Variants in TP63 observed in about 807,000 individuals in gnomAD.
The protein encoded by TP63 is tumor protein p63.
A neutral mutation model predicts 82.8 loss-of-function variants in TP63; 17 were observed. The observed-to-expected ratio is 0.21, with a 90% CI of 0.14 to 0.31. TP63 has a LOEUF of 0.31. Among genes scored for constraint, TP63 ranks in the 10% least tolerant of loss-of-function variants. The pLI, the probability that TP63 is intolerant of heterozygous loss-of-function variation, is 1.00. For synonymous variants in TP63, 330 were observed against 321.7 expected (o/e 1.03, Z -0.28); for missense variants, 648 against 895.3 (o/e 0.72, Z 3.52).
chr3:189,828,054 G>C (rs905179571), intron 4 of TP63, among the ~76,000 whole-genome samples: 1 of 152,014 alleles, frequency 6.6e-6, no homozygotes, highest in African/African-American at 2.4e-5. Context: ...CAGCCTGGCT[G>C]ATATGATGAA....
intron 4 of TP63, among the ~76,000 whole-genome samples, chr3:189,862,681 G>C (rs960693091): frequency 3.3e-5 from 5 of 152,130 alleles, no homozygotes; most frequent in African/African-American, 1.2e-4. Context: ...TTTTCTTCAA[G>C]TTCTCAATAA....
chr3:189,606,054 A>G, the TP63 span, among the ~76,000 whole-genome samples: 72 of 152,334 alleles, frequency 4.7e-4, no homozygotes, highest in Non-Finnish European at 8.2e-4. Flanking sequence ...CTGTCATCCA[A>G]GAGACATTAA....
At chr3:189,875,738 G>A (rs141137475) in intron 10 of TP63, among the ~76,000 whole-genome samples, 40 of 149,634 alleles carry the variant, frequency 2.7e-4, no homozygotes, top group African/African-American at 9.4e-4. Context: ...TTTGATAGGT[G>A]TACTTGGAAG....
intron 10 of TP63, chr3:189,880,445 T>C: frequency 1.1e-5 from 12 of 1,069,746 alleles, no homozygotes; most frequent in Non-Finnish European, 1.4e-5. Flanking sequence ...TGTGTTTGTC[T>C]GTGAGCTTTC....
intron 4 of TP63, among the ~76,000 whole-genome samples, chr3:189,843,140 C>T (rs879742537): frequency 2.6e-5 from 4 of 152,248 alleles, no homozygotes; most frequent in Admixed American, 6.5e-5. Context: ...GAGGACACAG[C>T]TGCCTCTGGG....
At chr3:189,654,598 A>G (rs191790903) in intron 1 of TP63, among the ~76,000 whole-genome samples, 13 of 152,294 alleles carry the variant, frequency 8.5e-5, no homozygotes, top group African/African-American at 3.1e-4. Flanking sequence ...TTACCTTGGG[A>G]TAGCCTGGGG....
Position 189,808,506 on chromosome 3 carries a change from G to A in TP63, c.559G>A (p.Ala187Thr). The A allele has an allele frequency of 6.2e-7, 1 of 1,613,988 alleles. No homozygotes were observed. The highest frequency in any genetic ancestry group is 8.5e-7 in the Non-Finnish European group (1 of 1,180,032). ...FDVSFQQSSTAKSATWTYSTE... is the reference protein window; with the variant it reads ...FDVSFQQSSTTKSATWTYSTE... The stretch of plus-strand genomic sequence containing the variant: ...CGTGTCCTTCCAGCAGTCGAGCACC[G>A]CCAAGTCGGCCACCTGGACGGTAAG... Residue 187 changes from alanine (A) to threonine (T), a missense_variant, in exon 4 of 14, where the codon GCC becomes ACC. By Grantham distance (58) the Ala-to-Thr change is moderately conservative. This residue lies in a region of TP63 where 64 missense variants were observed against 144.2 expected (regional missense o/e 0.44). Coordinates refer to ENST00000264731, the MANE Select transcript of TP63 (RefSeq NM_003722.5).
chr3:189,867,099 C>T (rs1717820636), intron 6 of TP63, among the ~76,000 whole-genome samples: 1 of 152,064 alleles, frequency 6.6e-6, no homozygotes, highest in Non-Finnish European at 1.5e-5. Flanking sequence ...ATCCAACTGG[C>T]AGTTGGACGG....
intron 1 of TP63, among the ~76,000 whole-genome samples, chr3:189,705,465 A>C (rs928160472): frequency 6.9e-6 from 1 of 144,622 alleles, no homozygotes; most frequent in African/African-American, 2.6e-5. Context: ...TTTTCTTTTC[A>C]TTCTTATTCA....
At chr3:189,815,778 A>G (rs1444561051) in intron 4 of TP63, among the ~76,000 whole-genome samples, 1 of 152,156 alleles carries the variant, frequency 6.6e-6, no homozygotes, top group Admixed American at 6.5e-5. Context: ...TGGAATCAGC[A>G]TCTAAGAGAA....
At chr3:189,681,989 T>A (rs1169982151) in intron 1 of TP63, among the ~76,000 whole-genome samples, 1 of 152,094 alleles carries the variant, frequency 6.6e-6, no homozygotes, top group Non-Finnish European at 1.5e-5. Flanking sequence ...TCTTAGCACT[T>A]TGGGAGGCCA....
At chr3:189,802,323 G>A (rs1726397983) in intron 3 of TP63, among the ~76,000 whole-genome samples, 1 of 152,198 alleles carries the variant, frequency 6.6e-6, no homozygotes, top group Admixed American at 6.5e-5. Context: ...TCAGGTGAAA[G>A]GTGGTTATCA....
intron 4 of TP63, among the ~76,000 whole-genome samples, chr3:189,834,888 CTT>C (rs10641824): frequency 4.3e-5 from 6 of 138,676 alleles, no homozygotes; most frequent in Non-Finnish European, 4.6e-5. Context: ...GGTTTTTTTC[CTT>C]TTTTTTTTTT....
At chr3:189,783,077 T>G (rs956759431) in intron 3 of TP63, among the ~76,000 whole-genome samples, 12 of 152,008 alleles carry the variant, frequency 7.9e-5, no homozygotes, top group African/African-American at 2.9e-4. Context: ...GCTGTATGAT[T>G]ATAGCGGTAA....
chr3:189,702,987 C>T (rs1050283520), intron 1 of TP63, among the ~76,000 whole-genome samples: 2 of 152,208 alleles, frequency 1.3e-5, no homozygotes, highest in Middle Eastern at 3.2e-3. Context: ...CACATTTAAT[C>T]CTCTTGAATC....
At chr3:189,710,998 G>A (rs1718554427) in intron 1 of TP63, among the ~76,000 whole-genome samples, 1 of 152,144 alleles carries the variant, frequency 6.6e-6, no homozygotes, top group Admixed American at 6.5e-5. Context: ...TCAATATCAA[G>A]AGTGTTTTCA....
chr3:189,826,905 A>G (rs1370862170), intron 4 of TP63, among the ~76,000 whole-genome samples: 1 of 152,192 alleles, frequency 6.6e-6, no homozygotes, highest in Non-Finnish European at 1.5e-5. Flanking sequence ...TAAGCACTGG[A>G]AGGTACACAT....
intron 3 of TP63, among the ~76,000 whole-genome samples, chr3:189,753,093 A>G (rs1721942217): frequency 6.6e-6 from 1 of 152,092 alleles, no homozygotes; most frequent in African/African-American, 2.4e-5. Context: ...GTTTTATGGC[A>G]CTTGAAAAGA....
At chr3:189,776,447 A>G (rs917249023) in intron 3 of TP63, among the ~76,000 whole-genome samples, 1 of 152,176 alleles carries the variant, frequency 6.6e-6, no homozygotes, top group East Asian at 1.9e-4. Context: ...TAATGAAAAA[A>G]GGATTTAGGA....
Sources: gnomAD v4.1 joint callset for allele counts (sites outside exome capture counted in the v4.1 genomes callset) on GRCh38, gnomAD v4.1.1 for gene constraint, gnomAD v4.1.1 regional missense constraint, MANE v1.5 for transcripts, NCBI Gene and HGNC (gene_info 2026-07-23, HGNC 2026-07-21) for gene names.